Variants in PAX8 observed in about 807,000 individuals in gnomAD.
The protein encoded by PAX8 is paired box protein Pax-8.
PAX8 carries 15 observed loss-of-function variants against 52.4 expected under a neutral mutation model. The observed-to-expected ratio is 0.29, with a 90% CI of 0.19 to 0.44. The LOEUF (loss-of-function observed/expected upper bound fraction) is 0.44, where lower values mean the gene tolerates loss of function less well. Among genes scored for constraint, PAX8 ranks in the 20% least tolerant of loss-of-function variants. The probability of loss-of-function intolerance (pLI) is 1.00; values close to 1 mark genes in which losing one functional copy is unlikely to be tolerated. For synonymous variants in PAX8, 284 were observed against 249.7 expected (o/e 1.14, Z -1.29); for missense variants, 554 against 602.5 (o/e 0.92, Z 0.84).
Position 113,235,574 on chromosome 2 carries a change from A to T in PAX8, c.907T>A (p.Ser303Thr). 6.2e-7 allele frequency: 1 copy of T among 1,610,216 alleles called. No individual in the cohort carries two copies. Among genetic ancestry groups the T allele is most frequent in the Non-Finnish European group, 8.5e-7 (1 of 1,177,280 alleles). The change falls in exon 9 of 12, where the codon TCA becomes ACA. Residue 303 changes from serine (S) to threonine (T), a missense_variant. By Grantham distance (58) the Ser-to-Thr change is moderately conservative. This residue lies in a region of PAX8 where 445 missense variants were observed against 409.9 expected (regional missense o/e 1.09). Coordinates refer to ENST00000429538, the MANE Select transcript of PAX8 (RefSeq NM_003466.4). The part of the protein sequence containing the change: ...QTYPVVADPH[S>T]PFAIKQETPE... Reference sequence around the variant, plus strand: ...GTTTCCTGCTTTATGGCGAAGGGTGAGTGAGGATCTGCCGGAGGGAGGGAG... The same window carrying T: ...GTTTCCTGCTTTATGGCGAAGGGTGTGTGAGGATCTGCCGGAGGGAGGGAG...
intron 10 of PAX8, among the ~76,000 whole-genome samples, chr2:113,221,800 G>A (rs1393646574): frequency 1.3e-5 from 2 of 152,110 alleles, no homozygotes; most frequent in African/African-American, 2.4e-5. Flanking sequence ...ATGAAGAGGA[G>A]CAGCCTAAAG....
chr2:113,252,141 A>T (rs561479298), intron 2 of PAX8, among the ~76,000 whole-genome samples: 1 of 152,044 alleles, frequency 6.6e-6, no homozygotes, highest in Middle Eastern at 3.2e-3. Context: ...AAAAATTTCC[A>T]CTTAACTATC....
Position 113,235,288 on chromosome 2 carries a change from G to C in PAX8, c.1087+106C>G, listed in dbSNP as rs931085686. 25 of 908,558 alleles carry C rather than the reference G, an allele frequency of 2.8e-5. No homozygotes were observed. The Middle Eastern group carries it at 1.4e-3, about 50-fold the overall frequency. The allele number at this position is 908,558 out of a possible 1,614,324, so 56.3% of individuals were successfully genotyped here. ...TGCCGGAGGAATTAGGGAACAGGGT[G>C]GGGGTGGATGAGACTGAGGCCAGAG... is the stretch of plus-strand genomic sequence containing the variant. On this transcript the variant is annotated intron_variant, in intron 9 of 11. Coordinates refer to ENST00000429538, the MANE Select transcript of PAX8 (RefSeq NM_003466.4).
intron 9 of PAX8, 63 bp from the exon 10 acceptor site, chr2:113,227,319 C>T (rs1689641764): frequency 7.6e-7 from 1 of 1,319,496 alleles, no homozygotes; most frequent in Non-Finnish European, 1.1e-6. Context: ...TATCATCTCA[C>T]TCTCCTGAGG....
intron 2 of PAX8, among the ~76,000 whole-genome samples, chr2:113,261,214 G>GA (rs1285287696): frequency 6.6e-6 from 1 of 152,140 alleles, no homozygotes; most frequent in Non-Finnish European, 1.5e-5. Context: ...GGGGTGCTGA[G>GA]AATTAGGAGG....
At chr2:113,241,039 ATGCAG>A in intron 7 of PAX8, 1 of 221,490 alleles carries the variant, frequency 4.5e-6, no homozygotes, top group Non-Finnish European at 9.1e-6. Flanking sequence ...GTATTTTTCC[ATGCAG>A]AGAAGTGGGA....
At chr2:113,235,871 G>C in intron 8 of PAX8, 1 of 446,444 alleles carries the variant, frequency 2.2e-6, no homozygotes, top group Admixed American at 4.0e-5. Flanking sequence ...GAGCGGCCTA[G>C]GACCGGAGGC....
chr2:113,278,796 C>T, intron 1 of PAX8, 35 bp downstream of exon 1: 1 of 1,006,118 alleles, frequency 9.9e-7, no homozygotes, highest in Non-Finnish European at 1.2e-6. Flanking sequence ...GTCCTCACTG[C>T]TAGCCAGCTT....
chr2:113,221,386 C>T (rs1346120304), intron 10 of PAX8, among the ~76,000 whole-genome samples: 5 of 152,114 alleles, frequency 3.3e-5, no homozygotes, highest in Non-Finnish European at 5.9e-5. Flanking sequence ...AGGGGTTGCT[C>T]GAAACTCCCT....
chr2:113,262,481 C>T (rs1692760368), intron 2 of PAX8, among the ~76,000 whole-genome samples: 1 of 152,192 alleles, frequency 6.6e-6, no homozygotes. Flanking sequence ...AGCGGTGTTG[C>T]TCAGACCCAA....
intron 2 of PAX8, among the ~76,000 whole-genome samples, chr2:113,277,680 G>T (rs975328797): frequency 4.4e-4 from 67 of 152,352 alleles, no homozygotes; most frequent in African/African-American, 1.6e-3. Flanking sequence ...TGGCCGGGAA[G>T]GGGGAAAACA....
chr2:113,258,781 A>G (rs567497263), intron 2 of PAX8, among the ~76,000 whole-genome samples: 9 of 151,786 alleles, frequency 5.9e-5, no homozygotes, highest in South Asian at 2.1e-4. Flanking sequence ...CTCTTCCTCT[A>G]TTAATCTGGT....
At chr2:113,247,343 C>T (rs548055984) in intron 2 of PAX8, among the ~76,000 whole-genome samples, 4 of 152,202 alleles carry the variant, frequency 2.6e-5, no homozygotes, top group East Asian at 3.9e-4. Flanking sequence ...TGTAAAATGA[C>T]GGCACAGGTG....
intron 2 of PAX8, among the ~76,000 whole-genome samples, chr2:113,260,408 A>T (rs1692580961): frequency 6.6e-6 from 1 of 152,050 alleles, no homozygotes; most frequent in African/African-American, 2.4e-5. Context: ...AGTAAAGGAC[A>T]TAAAGTACTG....
At chr2:113,251,396 C>T (rs1469031138) in intron 2 of PAX8, among the ~76,000 whole-genome samples, 1 of 151,858 alleles carries the variant, frequency 6.6e-6, no homozygotes, top group Non-Finnish European at 1.5e-5. Flanking sequence ...GAAGGTGTGG[C>T]CCAGGAAGAG....
Position 113,218,311 on chromosome 2 carries a change from C to G in PAX8, c.*222G>C, listed in dbSNP as rs1395972821. ...ATGGCATGGTTCTCTTTCCCTGGGA[C>G]TCCTGCCCCTCATTAAGGAGTCTTG... On this transcript the variant is annotated 3_prime_UTR_variant, in exon 12 of 12. Transcript: ENST00000429538. 2.5e-6 allele frequency: 1 copy of G among 404,454 alleles called. No individual in the cohort carries two copies. The highest frequency in any genetic ancestry group is 4.4e-6 in the Non-Finnish European group (1 of 229,350). 25.1% of individuals were successfully genotyped at this position (404,454 alleles called of 1,614,324 possible).
At position 113,244,555 on chromosome 2, in the gene PAX8, C is replaced by T. The variant is rs1691151844; in HGVS notation, c.261G>A (p.Lys87=). Reference sequence around the variant, plus strand: ...TGTAGTCCCCAATCTTCTCCACCACCTTGGGGGTGGCCACCTTGGGCTTGG... The same window carrying T: ...TGTAGTCCCCAATCTTCTCCACCACTTTGGGGGTGGCCACCTTGGGCTTGG... ...GGSKPKVATP[K]VVEKIGDYKR... Residue 87 remains lysine, a synonymous_variant, in exon 4 of 12, where the codon AAG becomes AAA. Coordinates refer to ENST00000429538, the MANE Select transcript of PAX8 (RefSeq NM_003466.4). 1 of 1,613,986 alleles carries T rather than the reference C, an allele frequency of 6.2e-7. No individual in the cohort carries two copies. Among genetic ancestry groups the T allele is most frequent in the Non-Finnish European group, 8.5e-7 (1 of 1,179,934 alleles).
In PAX8 at chr2:113,274,637, C is replaced by A. The variant is rs145845175; in HGVS notation, c.25+3733G>T. 68 of 152,234 alleles carry A rather than the reference C, an allele frequency of 4.5e-4. 1 individual carries two copies. The highest frequency in any genetic ancestry group is 1.6e-3 in the African/African-American group (67 of 41,534). The allele number at this position is 152,234 out of a possible 1,614,324, so 9.4% of individuals were successfully genotyped here. ...ATGTGAATGATTAAACTGTTTACTC[C>A]AAGGTTTAGGTATGAAAAGGCAAGT... On this transcript the variant is annotated intron_variant, in intron 2 of 11. Coordinates refer to ENST00000429538, the MANE Select transcript of PAX8 (RefSeq NM_003466.4).
chr2:113,232,654 G>A (rs1053832217), intron 9 of PAX8, among the ~76,000 whole-genome samples: 14 of 152,322 alleles, frequency 9.2e-5, no homozygotes, highest in South Asian at 2.1e-4. Flanking sequence ...AGTTGGAGGC[G>A]TCACCTCTGA....
Sources: allele counts gnomAD v4.1 joint callset (sites outside exome capture counted in the v4.1 genomes callset), GRCh38; gene constraint gnomAD v4.1.1; regional missense constraint gnomAD v4.1.1; transcripts MANE v1.5; gene names NCBI Gene and HGNC (gene_info 2026-07-23, HGNC 2026-07-21).